Variants in MID1 observed in about 807,000 individuals in gnomAD.
MID1 encodes E3 ubiquitin-protein ligase Midline-1.
Under a neutral mutation model 40.4 loss-of-function variants are expected in MID1, and 7 were observed. That is an observed-to-expected ratio of 0.17 (90% CI 0.10 to 0.33). The LOEUF (loss-of-function observed/expected upper bound fraction) is 0.33. Among genes scored for constraint, MID1 ranks in the 10% least tolerant of loss-of-function variants. The probability of loss-of-function intolerance (pLI) is 1.00; values close to 1 mark genes in which losing one functional copy is unlikely to be tolerated. For missense variants in MID1, 367 were observed against 558.5 expected (o/e 0.66, Z 3.46); for synonymous variants, 229 against 221.2 (o/e 1.04, Z -0.31).
chrX:10,538,213 T>C (rs1284567770), intron 2 of MID1, among the ~76,000 whole-genome samples: 1 of 111,465 alleles, frequency 9.0e-6, no homozygotes, highest in Non-Finnish European at 1.9e-5. Context: ...GCTCAAGCAA[T>C]CCACCCACCT....
chrX:10,642,894 A>G, intron 1 of MID1, among the ~76,000 whole-genome samples: 1 of 111,417 alleles, frequency 9.0e-6, no homozygotes, highest in Non-Finnish European at 1.9e-5. Flanking sequence ...GACAAACCTG[A>G]CAAAAACAAG....
chrX:10,731,150 G>A (rs188176155), intron 1 of MID1, among the ~76,000 whole-genome samples: 2 of 111,393 alleles, frequency 1.8e-5, no homozygotes, highest in Non-Finnish European at 3.8e-5. Context: ...AGCAATAAAG[G>A]GGTAAAAATC....
At chrX:10,618,882 G>C (rs1431569974) in intron 1 of MID1, among the ~76,000 whole-genome samples, 1 of 111,615 alleles carries the variant, frequency 9.0e-6, no homozygotes, top group African/African-American at 3.3e-5. Context: ...AAAATGTTTT[G>C]CGTTCCTCTT....
intron 1 of MID1, among the ~76,000 whole-genome samples, chrX:10,705,596 T>G (rs1463943168): frequency 8.9e-6 from 1 of 112,133 alleles, no homozygotes; most frequent in Non-Finnish European, 1.9e-5. Flanking sequence ...AAAAGAATAT[T>G]TATTGAGGCC....
intron 1 of MID1, among the ~76,000 whole-genome samples, chrX:10,693,252 T>C (rs1187217860): frequency 9.6e-6 from 1 of 104,251 alleles, no homozygotes; most frequent in Non-Finnish European, 2.0e-5. Context: ...TAGAGTGCAG[T>C]GGTATGATCA....
At chrX:10,720,872 A>G (rs1248336080) in intron 1 of MID1, among the ~76,000 whole-genome samples, 6 of 110,337 alleles carry the variant, frequency 5.4e-5, no homozygotes, top group Non-Finnish European at 1.1e-4. Flanking sequence ...GCAGCCATAA[A>G]AAATGATGAG....
chrX:10,728,511 T>A (rs2043415633), intron 1 of MID1, among the ~76,000 whole-genome samples: 1 of 112,413 alleles, frequency 8.9e-6, no homozygotes, highest in Non-Finnish European at 1.9e-5. Context: ...TGAAAAATAA[T>A]GTTTGCTTCT....
chrX:10,789,059 G>A (rs1046590803), intron 1 of MID1, among the ~76,000 whole-genome samples: 2 of 111,332 alleles, frequency 1.8e-5, no homozygotes, highest in African/African-American at 6.5e-5. Context: ...CAGGTGTGGT[G>A]GTGCGTGCCT....
chrX:10,483,420 A>G (rs1165367017), intron 4 of MID1, among the ~76,000 whole-genome samples: 1 of 111,919 alleles, frequency 8.9e-6, no homozygotes, highest in African/African-American at 3.2e-5. Context: ...AACATAATTG[A>G]CCATAACCTC....
chrX:10,560,775 C>T (rs776547852), intron 2 of MID1, among the ~76,000 whole-genome samples: 12 of 111,156 alleles, frequency 1.1e-4, no homozygotes, highest in Non-Finnish European at 2.1e-4. Flanking sequence ...GAATCAGTAT[C>T]GTGAAAATGG....
At chrX:10,714,080 T>C (rs1267324738) in intron 1 of MID1, among the ~76,000 whole-genome samples, 1 of 112,274 alleles carries the variant, frequency 8.9e-6, no homozygotes, top group Non-Finnish European at 1.9e-5. Flanking sequence ...TCTGCTTTAA[T>C]CATCCATTCT....
intron 1 of MID1, among the ~76,000 whole-genome samples, chrX:10,635,937 T>G (rs936021388): frequency 2.7e-5 from 3 of 112,384 alleles, no homozygotes; most frequent in Admixed American, 9.5e-5. Context: ...ACAATTTAAA[T>G]CAGTGCTTAG....
chrX:10,525,039 T>C (rs1157059968), intron 2 of MID1, among the ~76,000 whole-genome samples: 1 of 112,000 alleles, frequency 8.9e-6, no homozygotes, highest in Non-Finnish European at 1.9e-5. Flanking sequence ...ACCTCAAATT[T>C]ATAATGCCAT....
chrX:10,511,062 T>C (rs747406235), intron 3 of MID1, among the ~76,000 whole-genome samples: 1 of 107,825 alleles, frequency 9.3e-6, no homozygotes, highest in East Asian at 3.0e-4. Context: ...CTGGCCAACA[T>C]GGTGAAACCC....
intron 2 of MID1, among the ~76,000 whole-genome samples, chrX:10,543,519 G>A (rs1441739363): frequency 9.0e-6 from 1 of 111,287 alleles, no homozygotes; most frequent in Non-Finnish European, 1.9e-5. Flanking sequence ...GATAAGGAAT[G>A]TATGATTACC....
At chrX:10,482,695 G>A in intron 4 of MID1, 67 bp from the exon 5 acceptor site, 1 of 1,076,855 alleles carries the variant, frequency 9.3e-7, no homozygotes, top group Non-Finnish European at 1.3e-6. Context: ...AAGGCATCAG[G>A]CTGGATCCTT....
chrX:10,769,833 G>A (rs1257362961), intron 1 of MID1, among the ~76,000 whole-genome samples: 1 of 111,563 alleles, frequency 9.0e-6, no homozygotes, highest in African/African-American at 3.3e-5. Flanking sequence ...GAAGTATGCT[G>A]TTTGTTTCTA....
At chrX:10,658,429 A>T (rs948214540) in intron 1 of MID1, among the ~76,000 whole-genome samples, 1 of 31,855 alleles carries the variant, frequency 3.1e-5, no homozygotes, top group Non-Finnish European at 5.7e-5. Context: ...CTTCAACTGT[A>T]AAAAAAAAAA....
chrX:10,708,144 C>T (rs1421230083), intron 1 of MID1, among the ~76,000 whole-genome samples: 1 of 112,398 alleles, frequency 8.9e-6, no homozygotes, highest in Non-Finnish European at 1.9e-5. Flanking sequence ...ATATAGATGA[C>T]TATATTAGGT....
Sources: gnomAD v4.1 joint callset for allele counts (sites outside exome capture counted in the v4.1 genomes callset) on GRCh38, gnomAD v4.1.1 for gene constraint, MANE v1.5 for transcripts, NCBI Gene and HGNC (gene_info 2026-07-23, HGNC 2026-07-21) for gene names.